PALLD: variants seen among roughly 807,000 people sequenced by gnomAD.
PALLD encodes the protein palladin.
In PALLD, 61 loss-of-function variants were observed where a neutral mutation model predicts 123.5. That is an observed-to-expected ratio of 0.49 (90% CI 0.40 to 0.61). PALLD has a LOEUF of 0.61. Among genes scored for constraint, PALLD ranks in the 20% least tolerant of loss-of-function variants. The probability of loss-of-function intolerance (pLI) is 0.00; values close to 1 mark genes in which losing one functional copy is unlikely to be tolerated. For synonymous variants in PALLD, 465 were observed against 496.4 expected (o/e 0.94, Z 0.84); for missense variants, 1,273 against 1,377.0 (o/e 0.92, Z 1.20).
intron 8 of PALLD, chr4:168,700,034 T>C: frequency 3.1e-6 from 1 of 318,864 alleles, no homozygotes; most frequent in Non-Finnish European, 6.2e-6. Context: ...TTATACGTCT[T>C]TGTTCGAGTG....
At chr4:168,580,530 A>T (rs972541994) in intron 2 of PALLD, among the ~76,000 whole-genome samples, 1 of 152,068 alleles carries the variant, frequency 6.6e-6, no homozygotes. Context: ...TGGTGAGAGT[A>T]TAAATTACTT....
intron 14 of PALLD, among the ~76,000 whole-genome samples, chr4:168,902,549 C>T (rs867637783): frequency 2.0e-5 from 3 of 151,902 alleles, no homozygotes; most frequent in Non-Finnish European, 4.4e-5. Flanking sequence ...GGCTGAGGCA[C>T]GAGAATTGTT....
At chr4:168,638,547 A>G (rs1307984520) in intron 2 of PALLD, among the ~76,000 whole-genome samples, 1 of 152,212 alleles carries the variant, frequency 6.6e-6, no homozygotes, top group African/African-American at 2.4e-5. Flanking sequence ...ACGAAGTACC[A>G]TAAACTGGAT....
At chr4:168,559,749 T>C (rs1388023886) in intron 2 of PALLD, among the ~76,000 whole-genome samples, 1 of 151,766 alleles carries the variant, frequency 6.6e-6, no homozygotes, top group Non-Finnish European at 1.5e-5. Flanking sequence ...ATACAAAAAT[T>C]AGCCAGATAT....
chr4:168,543,958 G>A (rs139778049), intron 2 of PALLD, among the ~76,000 whole-genome samples: 9 of 152,324 alleles, frequency 5.9e-5, no homozygotes, highest in East Asian at 3.9e-4. Flanking sequence ...ATGTACTCAC[G>A]TATATGCATA....
chr4:168,723,569 A>G (rs1786236420), intron 10 of PALLD, among the ~76,000 whole-genome samples: 1 of 152,228 alleles, frequency 6.6e-6, no homozygotes, highest in South Asian at 2.1e-4. Context: ...GATGAGGAGG[A>G]AGAAAGCTAT....
At chr4:168,556,929 C>T (rs1767372030) in intron 2 of PALLD, among the ~76,000 whole-genome samples, 1 of 152,142 alleles carries the variant, frequency 6.6e-6, no homozygotes, top group African/African-American at 2.4e-5. Context: ...TAGACAGCTC[C>T]CTGCACAGAT....
intron 2 of PALLD, among the ~76,000 whole-genome samples, chr4:168,536,897 G>A (rs565959572): frequency 6.6e-6 from 1 of 150,846 alleles, no homozygotes; most frequent in South Asian, 2.1e-4. Flanking sequence ...GCGCGATCTC[G>A]GCTCACTGCA....
At chr4:168,840,483 T>C (rs917893205) in intron 10 of PALLD, among the ~76,000 whole-genome samples, 1 of 152,086 alleles carries the variant, frequency 6.6e-6, no homozygotes, top group African/African-American at 2.4e-5. Flanking sequence ...TAGAAAAGTA[T>C]ACCATTGTAA....
At chr4:168,514,388 C>T (rs1301690249) in intron 2 of PALLD, among the ~76,000 whole-genome samples, 1 of 152,026 alleles carries the variant, frequency 6.6e-6, no homozygotes, top group Non-Finnish European at 1.5e-5. Context: ...GATTTTTTTC[C>T]CCCGACCAAT....
intron 9 of PALLD, among the ~76,000 whole-genome samples, chr4:168,710,583 A>T: frequency 6.6e-6 from 1 of 152,212 alleles, no homozygotes; most frequent in East Asian, 1.9e-4. Context: ...GCAACTGTAA[A>T]TGCTTTTTCA....
intron 10 of PALLD, 56 bp from the exon 11 acceptor site, chr4:168,890,866 A>T: frequency 6.3e-7 from 1 of 1,595,934 alleles, no homozygotes; most frequent in Non-Finnish European, 8.6e-7. Context: ...TGAACGTTTG[A>T]CTTGGATTTA....
chr4:168,729,142 C>G (rs1480720869), intron 10 of PALLD, among the ~76,000 whole-genome samples: 2 of 152,088 alleles, frequency 1.3e-5, no homozygotes, highest in Non-Finnish European at 2.9e-5. Context: ...ATTTCTTGGT[C>G]TTTTTAGTCA....
chr4:168,848,685 C>T (rs1458888709), intron 10 of PALLD, among the ~76,000 whole-genome samples: 1 of 152,118 alleles, frequency 6.6e-6, no homozygotes, highest in Non-Finnish European at 1.5e-5. Context: ...TATTCTATGC[C>T]TTAAACAGTT....
intron 10 of PALLD, among the ~76,000 whole-genome samples, chr4:168,777,715 C>G (rs534021993): frequency 1.3e-5 from 2 of 152,148 alleles, no homozygotes; most frequent in African/African-American, 4.8e-5. Flanking sequence ...CTTCCTCCTC[C>G]CAGCCCCGTT....
At chr4:168,741,986 T>G (rs150725055) in intron 10 of PALLD, among the ~76,000 whole-genome samples, 293 of 152,334 alleles carry the variant, frequency 1.9e-3, no homozygotes, top group Non-Finnish European at 3.2e-3. Flanking sequence ...TTTTGACATG[T>G]CCCAGCTTCA....
chr4:168,650,360 G>A (rs1415854555), intron 2 of PALLD, among the ~76,000 whole-genome samples: 1 of 152,158 alleles, frequency 6.6e-6, no homozygotes, highest in East Asian at 1.9e-4. Context: ...GTGAAACCAC[G>A]ATGGTATAGA....
intron 10 of PALLD, among the ~76,000 whole-genome samples, chr4:168,821,722 A>T (rs921111426): frequency 6.6e-6 from 1 of 151,916 alleles, no homozygotes; most frequent in African/African-American, 2.4e-5. Flanking sequence ...CTAAAAAAAA[A>T]TACAAAAACT....
intron 10 of PALLD, among the ~76,000 whole-genome samples, chr4:168,843,047 A>G (rs185438160): frequency 6.0e-4 from 91 of 152,364 alleles, no homozygotes; most frequent in African/African-American, 2.1e-3. Flanking sequence ...GGAAATACAT[A>G]GTGCCACCTG....
Sources: allele counts gnomAD v4.1 joint callset (sites outside exome capture counted in the v4.1 genomes callset), GRCh38; gene constraint gnomAD v4.1.1; transcripts MANE v1.5; gene names NCBI Gene and HGNC (gene_info 2026-07-23, HGNC 2026-07-21).